OLFM1: variants seen among roughly 807,000 people sequenced by gnomAD.
OLFM1 encodes the protein noelin.
Under a neutral mutation model 49.7 loss-of-function variants are expected in OLFM1, and 9 were observed. The ratio of observed to expected loss-of-function variants is 0.18; its 90% CI spans 0.11 to 0.32. OLFM1 has a LOEUF of 0.32. OLFM1 is among the 10% of genes least tolerant of loss of function. OLFM1 has a pLI of 1.00. For missense variants in OLFM1, 369 were observed against 661.8 expected, an observed-to-expected ratio of 0.56 and a Z score of 4.85; for synonymous variants, 240 against 271.8, an observed-to-expected ratio of 0.88 and a Z score of 1.15.
exon 1 of OLFM1, chr9:135,075,747 C>T (rs745641340): frequency 6.2e-7 from 1 of 1,606,206 alleles, no homozygotes; most frequent in Non-Finnish European, 8.5e-7. Context: ...ATGCACCCGG[C>T]CCGGAAGCTC....
At chr9:135,084,543 C>T (rs573335828), upstream of OLFM1, among the ~76,000 whole-genome samples, 90 of 151,618 alleles carry the variant, frequency 5.9e-4, no homozygotes, top group African/African-American at 2.0e-3. This position sits in a 1 kb window ranked among gnomAD's most constrained non-coding sequence, Gnocchi z 4.6. Flanking sequence ...CTTTGTCTTC[C>T]TCTCTGTCTC....
At chr9:135,103,559 T>G (rs530546761) in intron 4 of OLFM1, among the ~76,000 whole-genome samples, 2 of 152,288 alleles carry the variant, frequency 1.3e-5, no homozygotes, top group African/African-American at 4.8e-5. Flanking sequence ...AGGGTGATGC[T>G]CAGCTCTGAG....
At chr9:135,075,906 C>G in intron 1 of OLFM1, 1 of 1,417,688 alleles carries the variant, frequency 7.1e-7, no homozygotes, top group South Asian at 1.5e-5. Flanking sequence ...CCGCCCCGCG[C>G]CCCCGGCCTG....
At chr9:135,106,914 G>A (rs1191316391) in intron 5 of OLFM1, 59 bp downstream of exon 5, 3 of 1,360,018 alleles carry the variant, frequency 2.2e-6, no homozygotes, top group Admixed American at 4.0e-5. Flanking sequence ...CGGACACCTG[G>A]TGGGCCCCAG....
chr9:135,119,096 CGGGCCTTTGG>C, intron 5 of OLFM1, among the ~76,000 whole-genome samples: 1 of 146,140 alleles, frequency 6.8e-6, no homozygotes. Context: ...GAGTGCTCAC[CGGGCCTTTGG>C]AAGTGCTCAC....
At chr9:135,091,418 C>G (rs534678201) in intron 2 of OLFM1, among the ~76,000 whole-genome samples, 1 of 152,048 alleles carries the variant, frequency 6.6e-6, no homozygotes, top group Non-Finnish European at 1.5e-5. Flanking sequence ...ACCACACACA[C>G]GCACACTCAC....
intron 5 of OLFM1, among the ~76,000 whole-genome samples, chr9:135,111,463 G>A (rs905428700): frequency 3.3e-5 from 5 of 152,232 alleles, no homozygotes; most frequent in Non-Finnish European, 7.4e-5. Flanking sequence ...AGACCTCCAC[G>A]ACCCCCAGGA....
At position 135,105,249 on chromosome 9, in the gene OLFM1, G is replaced by T. The variant is rs370468812; in HGVS notation, c.677-1500G>T. On this transcript the variant is annotated intron_variant, in intron 4 of 5. Coordinates refer to ENST00000371793, the MANE Select transcript of OLFM1 (RefSeq NM_001282611.2). ...TGTGACATTTCTTCTTCCAATCGGG[G>T]CAGAGGCGGCAGCCCGGGAGCCAGG... 8.4e-4 allele frequency among the ~76,000 whole-genome samples: 128 copies of T among 152,388 alleles called. 1 individual carries two copies. The South Asian group carries it at 0.026, about 31-fold the overall frequency.
upstream of OLFM1, chr9:135,086,810 C>T (rs988181213): frequency 4.6e-6 from 2 of 436,802 alleles, no homozygotes; most frequent in African/African-American, 4.0e-5. Context: ...CGCCATGACT[C>T]GAGCGCCACC....
chr9:135,109,711 C>T (rs981791239), intron 5 of OLFM1, among the ~76,000 whole-genome samples: 6 of 151,592 alleles, frequency 4.0e-5, no homozygotes, highest in South Asian at 4.2e-4. Context: ...CCCAATAACT[C>T]GCTCCAAAAA....
At chr9:135,118,588 GCTGGGTCTTTGGAAATGCTCA>G (rs1211891503) in intron 5 of OLFM1, among the ~76,000 whole-genome samples, 3 of 137,560 alleles carry the variant, frequency 2.2e-5, no homozygotes, top group Non-Finnish European at 4.6e-5. Flanking sequence ...TGGAGTGCTT[GCTGGGTCTTTGGAAATGCTCA>G]CTGGGTCTTT....
chr9:135,100,308 CTG>C (rs1226258960), intron 4 of OLFM1, among the ~76,000 whole-genome samples: 1 of 152,240 alleles, frequency 6.6e-6, no homozygotes, highest in Non-Finnish European at 1.5e-5. Context: ...GCCTTCCCAT[CTG>C]TGCTTGGCCT....
At chr9:135,099,527 A>G (rs1830843014) in intron 4 of OLFM1, among the ~76,000 whole-genome samples, 1 of 152,218 alleles carries the variant, frequency 6.6e-6, no homozygotes, top group Admixed American at 6.5e-5. Context: ...GAGAATATTC[A>G]AGGGGAAAGA....
intron 1 of OLFM1, chr9:135,076,241 T>A: frequency 6.4e-7 from 1 of 1,550,574 alleles, no homozygotes; most frequent in Non-Finnish European, 8.7e-7. Context: ...ATCCTCCCTT[T>A]GGGCATAACG....
At chr9:135,091,020 A>G (rs62573441) in intron 2 of OLFM1, among the ~76,000 whole-genome samples, 5,088 of 152,318 alleles carry the variant, frequency 0.033, 164 homozygotes, top group African/African-American at 0.083. Flanking sequence ...GAAGTTGGTG[A>G]GATTTTTCAC....
chr9:135,078,806 G>A (rs535422421), intron 1 of OLFM1, among the ~76,000 whole-genome samples: 9 of 152,296 alleles, frequency 5.9e-5, no homozygotes, highest in Admixed American at 2.0e-4. Flanking sequence ...AAAAGGGGCT[G>A]GGAAGCTTTG....
intron 2 of OLFM1, among the ~76,000 whole-genome samples, chr9:135,090,571 G>T (rs1830672112): frequency 6.6e-6 from 1 of 152,126 alleles, no homozygotes; most frequent in Non-Finnish European, 1.5e-5. Context: ...TGGGTGGATG[G>T]GTGGGTGGAC....
chr9:135,116,718 G>T (rs980028393), intron 5 of OLFM1, among the ~76,000 whole-genome samples: 2 of 152,020 alleles, frequency 1.3e-5, no homozygotes, highest in African/African-American at 4.8e-5. Flanking sequence ...GCCAAGCAAA[G>T]AGGGGGCAAG....
Position 135,106,874 on chromosome 9 carries a change from C to T in OLFM1, c.783+19C>T. ...TAACCGGGTGAGTGTCCCCTTATGT[C>T]ATAGGGGGTCATTTGGGCAAGGGCG... On this transcript the variant is annotated intron_variant, in intron 5 of 5. Transcript: ENST00000371793. The T allele has an allele frequency of 6.3e-7, 1 of 1,574,962 alleles. No individual in the cohort carries two copies.
Sources: gnomAD v4.1 joint callset for allele counts (sites outside exome capture counted in the v4.1 genomes callset) on GRCh38, gnomAD v4.1.1 for gene constraint, Gnocchi (gnomAD v3.1) non-coding constraint, MANE v1.5 for transcripts, NCBI Gene and HGNC (gene_info 2026-07-23, HGNC 2026-07-21) for gene names.